Variants in RAB3IP observed in about 807,000 individuals in gnomAD.
The protein encoded by RAB3IP is RAB3A interacting protein.
Under a neutral mutation model 59.1 loss-of-function variants are expected in RAB3IP, and 36 were observed. That is an observed-to-expected ratio of 0.61 (90% CI 0.47 to 0.80). The LOEUF is 0.80. Among genes scored for constraint, RAB3IP ranks in the 30% least tolerant of loss-of-function variants. The probability of loss-of-function intolerance (pLI) is 0.00; values close to 1 mark genes in which losing one functional copy is unlikely to be tolerated. For missense variants in RAB3IP, 511 were observed against 536.0 expected (o/e 0.95, Z 0.46); for synonymous variants, 207 against 191.2 (o/e 1.08, Z -0.68).
At position 69,819,364 on chromosome 12, in the gene RAB3IP, A is replaced by C. The variant is rs1881465774; in HGVS notation, c.*3918A>C. On this transcript the variant is annotated 3_prime_UTR_variant, in exon 11 of 11. Transcript: ENST00000247833. ...AAGTTTGGGTATGTGCATAACAGAG[A>C]CAGAAATTCAGTGTTTGACAGATCA... 6.6e-6 allele frequency: 1 copy of C among 152,168 alleles called. No individual in the cohort carries two copies. The highest frequency in any genetic ancestry group is 2.1e-4 in the South Asian group (1 of 4,824). 9.4% of individuals were successfully genotyped at this position (152,168 alleles called of 1,614,324 possible).
At chr12:69,739,694 G>A (rs1472152688) in intron 1 of RAB3IP, 1 of 731,928 alleles carries the variant, frequency 1.4e-6, no homozygotes, top group Non-Finnish European at 2.3e-6. Flanking sequence ...TTGTGTTCGG[G>A]GGAGTTGAGA....
At chr12:69,738,713 G>T (rs1886912317), upstream of RAB3IP, 1 of 152,130 alleles carries the variant, frequency 6.6e-6, no homozygotes, top group Admixed American at 6.5e-5. Context: ...GACGAGCCCC[G>T]CCTGGCGCCA....
chr12:69,810,246 C>T (rs1020943150), intron 8 of RAB3IP, among the ~76,000 whole-genome samples: 1 of 152,184 alleles, frequency 6.6e-6, no homozygotes, highest in African/African-American at 2.4e-5. Context: ...GCTGCCTGAT[C>T]GTTCCTCTGG....
chr12:69,772,700 A>C (rs1172479580), intron 3 of RAB3IP, among the ~76,000 whole-genome samples: 1 of 152,192 alleles, frequency 6.6e-6, no homozygotes, highest in Non-Finnish European at 1.5e-5. Flanking sequence ...TTCTTTTCCC[A>C]CATTTTGAAT....
At chr12:69,787,771 T>C (rs900595869) in intron 4 of RAB3IP, among the ~76,000 whole-genome samples, 1 of 149,454 alleles carries the variant, frequency 6.7e-6, no homozygotes, top group Non-Finnish European at 1.5e-5. Context: ...CGAGAAAAAT[T>C]TGAGCATGTT....
intron 1 of RAB3IP, among the ~76,000 whole-genome samples, chr12:69,744,218 G>A (rs1887621750): frequency 6.6e-6 from 1 of 151,800 alleles, no homozygotes; most frequent in Non-Finnish European, 1.5e-5. Flanking sequence ...TCCCACTTAT[G>A]AGTGAGAACA....
intron 1 of RAB3IP, among the ~76,000 whole-genome samples, chr12:69,753,688 A>G (rs1432453970): frequency 6.6e-6 from 1 of 152,186 alleles, no homozygotes; most frequent in African/African-American, 2.4e-5. Flanking sequence ...TGTTATTCAC[A>G]ACTGTCAAAG....
intron 8 of RAB3IP, among the ~76,000 whole-genome samples, chr12:69,807,287 G>C (rs1879521538): frequency 6.6e-6 from 1 of 151,596 alleles, no homozygotes; most frequent in African/African-American, 2.4e-5. Flanking sequence ...CAGCCGGGCA[G>C]AGGCGCTCCT....
Position 69,756,414 on chromosome 12 carries a change from T to TA in RAB3IP, c.262dup (p.Thr88AsnfsTer17), listed in dbSNP as rs1346321553. ...TCTCTCTCCTTTACAGCTTTCATGT[T>TA]ACAGACCCAGCCCCTTGCTCTACCT... On this transcript the variant is annotated frameshift_variant, in exon 3 of 11. Transcript: ENST00000247833. LOFTEE classifies it high-confidence loss of function. 3 of 1,613,806 alleles carry TA rather than the reference T, an allele frequency of 1.9e-6. No individual in the cohort carries two copies. The highest frequency in any genetic ancestry group is 2.5e-6 in the Non-Finnish European group (3 of 1,179,898).
At chr12:69,800,864 G>A (rs1350410881) in intron 7 of RAB3IP, among the ~76,000 whole-genome samples, 3 of 152,188 alleles carry the variant, frequency 2.0e-5, no homozygotes, top group Non-Finnish European at 4.4e-5. Flanking sequence ...GTTCTTACAT[G>A]TGAAAGGTTT....
chr12:69,741,050 C>G (rs1035064974), intron 1 of RAB3IP, among the ~76,000 whole-genome samples: 5 of 152,136 alleles, frequency 3.3e-5, no homozygotes, highest in African/African-American at 4.8e-5. Context: ...GTTGAAATTG[C>G]TAATATTCTG....
intron 6 of RAB3IP, among the ~76,000 whole-genome samples, chr12:69,799,038 G>T (rs1442434012): frequency 6.6e-6 from 1 of 152,150 alleles, no homozygotes; most frequent in Non-Finnish European, 1.5e-5. Flanking sequence ...AAATGCATTT[G>T]AAAATGTAAG....
intron 3 of RAB3IP, among the ~76,000 whole-genome samples, chr12:69,782,006 C>G (rs565093968): frequency 6.6e-6 from 1 of 152,238 alleles, no homozygotes; most frequent in East Asian, 1.9e-4. Context: ...AATTAGAGTT[C>G]CTATTTGTTC....
chr12:69,762,099 T>A (rs1323558727), intron 3 of RAB3IP, among the ~76,000 whole-genome samples: 2 of 152,162 alleles, frequency 1.3e-5, no homozygotes, highest in Non-Finnish European at 2.9e-5. Context: ...GTGGGCTGGG[T>A]AATGTAATCC....
At chr12:69,787,627 A>C (rs578203841) in intron 4 of RAB3IP, among the ~76,000 whole-genome samples, 2 of 152,262 alleles carry the variant, frequency 1.3e-5, no homozygotes, top group Non-Finnish European at 2.9e-5. Context: ...TTATTTCTTC[A>C]TTCCACACTC....
In RAB3IP at chr12:69,819,992, T is replaced by TA. The variant is rs1375229323; in HGVS notation, c.*4547dup. ...GTCCTTAAAATAACTTGCAACCTGT[T>TA]ACGTCTTCACTTACTCCCATCGCCA... On this transcript the variant is annotated 3_prime_UTR_variant, in exon 11 of 11. Transcript: ENST00000247833. 1.3e-5 allele frequency: 2 copies of TA among 152,320 alleles called. No homozygotes were observed. The highest frequency in any genetic ancestry group is 2.1e-4 in the South Asian group (1 of 4,832). The allele number at this position is 152,320 out of a possible 1,614,324, so 9.4% of individuals were successfully genotyped here.
chr12:69,811,041 A>G (rs536528152), intron 8 of RAB3IP, among the ~76,000 whole-genome samples: 27 of 152,340 alleles, frequency 1.8e-4, no homozygotes, highest in African/African-American at 5.8e-4. Flanking sequence ...ACCATGGAAT[A>G]CTATACAGCC....
intron 3 of RAB3IP, among the ~76,000 whole-genome samples, chr12:69,773,518 G>A (rs931353898): frequency 6.1e-5 from 8 of 130,464 alleles, no homozygotes; most frequent in African/African-American, 5.8e-5. Context: ...CCACTAATGT[G>A]TCATCTAGCA....
intron 10 of RAB3IP, among the ~76,000 whole-genome samples, chr12:69,813,845 T>C (rs935146868): frequency 6.6e-6 from 1 of 151,832 alleles, no homozygotes; most frequent in Admixed American, 6.5e-5. Context: ...CTTTCAATCA[T>C]GTAAAGCAGT....
Sources: allele counts gnomAD v4.1 joint callset (sites outside exome capture counted in the v4.1 genomes callset), GRCh38; gene constraint gnomAD v4.1.1; transcripts MANE v1.5; gene names NCBI Gene and HGNC (gene_info 2026-07-23, HGNC 2026-07-21).